Variants in ZZEF1 observed in about 807,000 individuals in gnomAD.
ZZEF1 encodes zinc finger ZZ-type and EF-hand domain-containing protein 1.
Under a neutral mutation model 342.8 loss-of-function variants are expected in ZZEF1, and 157 were observed. The observed-to-expected ratio is 0.46, with a 90% confidence interval of 0.40 to 0.52. ZZEF1 has a LOEUF of 0.52. Ranked by LOEUF, ZZEF1 falls within the 20% of genes least tolerant of loss-of-function variation. The pLI is 0.00. For synonymous variants in ZZEF1, 1,505 were observed against 1,429.1 expected (o/e 1.05, Z -1.20); for missense variants, 3,480 against 3,725.6 (o/e 0.93, Z 1.72).
At chr17:4,131,437 T>A (rs7224662) in intron 1 of ZZEF1, among the ~76,000 whole-genome samples, 23,448 of 151,198 alleles carry the variant, frequency 0.16, 1,994 homozygotes, top group African/African-American at 0.22. Flanking sequence ...TTAGGAAAAT[T>A]AAAGTATGTA....
chr17:4,094,653 G>A (rs540604539), intron 11 of ZZEF1, among the ~76,000 whole-genome samples: 2 of 152,194 alleles, frequency 1.3e-5, no homozygotes, highest in South Asian at 2.1e-4. Context: ...TTTTTCCCCA[G>A]AGTAAGAAAG....
chr17:4,067,234 C>A lies in ZZEF1; in HGVS notation c.4084G>T (p.Gly1362Trp), dbSNP rs1372569709. ...TCTTCACTCAGGGCTATTTTGCCCC[C>A]ACTGTTGACTGGGGAGAGAAGCAGA... is the stretch of plus-strand genomic sequence containing the variant. ...YEKLQKYVNS[G>W]GKIALSEEFA... The change falls in exon 27 of 55, where the codon GGG (glycine) becomes TGG (tryptophan). Residue 1362 changes from glycine (G) to tryptophan (W), a missense_variant. Around this residue, in one of 5 missense-constraint regions of ZZEF1, gnomAD observed 1,528 missense variants for 1,624.1 expected, o/e 0.94. Transcript: ENST00000381638. 7 of 1,612,758 alleles carry A rather than the reference C, an allele frequency of 4.3e-6. No individual in the cohort carries two copies. Among genetic ancestry groups the A allele is most frequent in the African/African-American group, 2.7e-5 (2 of 74,868 alleles).
In ZZEF1 at chr17:4,059,192, C is replaced by A. The variant is rs1392299192; in HGVS notation, c.4982G>T (p.Gly1661Val). 1 of 1,600,086 alleles carries A rather than the reference C, an allele frequency of 6.2e-7. No homozygotes were observed. Among genetic ancestry groups the A allele is most frequent in the South Asian group, 1.2e-5 (1 of 86,870 alleles). ...GTACCTGTCATTTAGGCTACTAAATCCTTTAACTGCTTTGACCAAAAACAG... is the reference window on the plus strand; with the variant it reads ...GTACCTGTCATTTAGGCTACTAAATACTTTAACTGCTTTGACCAAAAACAG... ...LVLFLVKAVKGFSSLNDRSLL... is the reference protein window; with the variant it reads ...LVLFLVKAVKVFSSLNDRSLL... The change falls in exon 31 of 55, where the codon GGA becomes GTA. Residue 1661 changes from glycine (G) to valine (V), a missense_variant. By Grantham distance (109) the Gly-to-Val change is moderately radical. Coordinates refer to ENST00000381638, the MANE Select transcript of ZZEF1 (RefSeq NM_015113.4).
intron 42 of ZZEF1, among the ~76,000 whole-genome samples, chr17:4,031,401 A>G (rs2056543684): frequency 6.6e-6 from 1 of 152,160 alleles, no homozygotes; most frequent in Non-Finnish European, 1.5e-5. Flanking sequence ...CATATAGATT[A>G]ATGAAACATA....
intron 21 of ZZEF1, 133 bp from the exon 22 acceptor site, chr17:4,075,562 C>A: frequency 3.2e-6 from 3 of 928,422 alleles, no homozygotes; most frequent in Admixed American, 5.7e-5. Flanking sequence ...CAGGCAGGCT[C>A]GAAGACAAAC....
Position 4,062,981 on chromosome 17 carries a change from T to A in ZZEF1, c.4719-64A>T, listed in dbSNP as rs372972674. 2.2e-5 allele frequency: 33 copies of A among 1,527,122 alleles called. No individual in the cohort carries two copies. The East Asian group carries it at 6.0e-4, about 28-fold the overall frequency. 94.6% of individuals were successfully genotyped at this position (1,527,122 alleles called of 1,614,324 possible). On this transcript the variant is annotated intron_variant, in intron 29 of 54. Coordinates refer to ENST00000381638, the MANE Select transcript of ZZEF1 (RefSeq NM_015113.4). ...CTTGAGCTGGGGCAGACGGAAAATA[T>A]CCCCGCCAAAGCCCTGATGCCATAT... is the stretch of plus-strand genomic sequence containing the variant.
intron 3 of ZZEF1, among the ~76,000 whole-genome samples, chr17:4,114,694 T>C (rs964135599): frequency 2.0e-5 from 3 of 152,182 alleles, no homozygotes; most frequent in Non-Finnish European, 4.4e-5. Context: ...GTCATTGGCA[T>C]ATTACCTGAC....
rs1400342271 is a variant in ZZEF1 at position 4,004,483 on chromosome 17, C to T, written c.*2407G>A. On this transcript the variant is annotated 3_prime_UTR_variant, in exon 55 of 55. Transcript: ENST00000381638. ...AGAATTTGTACAATATATTTCTTTT[C>T]GTTTGCATATTTTACCCACAGCTTA... The T allele has an allele frequency of 6.6e-6, 1 of 152,360 alleles. No homozygotes were observed. The highest frequency in any genetic ancestry group is 6.5e-5 in the Admixed American group (1 of 15,278). 9.4% of individuals were successfully genotyped at this position (152,360 alleles called of 1,614,324 possible).
At chr17:4,069,530 T>G (rs919129238) in intron 26 of ZZEF1, among the ~76,000 whole-genome samples, 1 of 152,114 alleles carries the variant, frequency 6.6e-6, no homozygotes, top group Non-Finnish European at 1.5e-5. Context: ...GGAATAAAAA[T>G]ATCAATAATA....
At chr17:4,066,393 C>A (rs1012755117) in intron 28 of ZZEF1, 54 bp downstream of exon 28, 39 of 1,555,098 alleles carry the variant, frequency 2.5e-5, no homozygotes, top group Non-Finnish European at 3.4e-5. Flanking sequence ...GTTTTCCAGG[C>A]TCTAAAACGA....
Position 4,006,543 on chromosome 17 carries a change from C to T in ZZEF1, c.*347G>A, listed in dbSNP as rs921016594. 12 of 323,988 alleles carry T rather than the reference C, an allele frequency of 3.7e-5. No individual in the cohort carries two copies. Among genetic ancestry groups the T allele is most frequent in the South Asian group, 8.3e-5 (3 of 36,048 alleles). 20.1% of individuals were successfully genotyped at this position (323,988 alleles called of 1,614,324 possible). On this transcript the variant is annotated 3_prime_UTR_variant, in exon 55 of 55. Coordinates refer to ENST00000381638, the MANE Select transcript of ZZEF1 (RefSeq NM_015113.4). ...GCAGGCAGTTCCAGCTCCACGGAGA[C>T]AGAAACCAGTTGAGAGAGGCCGCTT...
At chr17:4,103,604 C>T (rs182544698) in intron 8 of ZZEF1, among the ~76,000 whole-genome samples, 76 of 152,018 alleles carry the variant, frequency 5.0e-4, no homozygotes, top group African/African-American at 1.7e-3. Flanking sequence ...AAGTCAGTCA[C>T]ACTAAGACGA....
chr17:4,104,935 C>A, intron 7 of ZZEF1, 124 bp from the exon 8 acceptor site: 1 of 789,032 alleles, frequency 1.3e-6, no homozygotes, highest in Non-Finnish European at 1.9e-6. Context: ...ACAGGTTTAT[C>A]CGAAATATTT....
chr17:4,088,011 AT>A, intron 13 of ZZEF1, among the ~76,000 whole-genome samples: 1 of 152,176 alleles, frequency 6.6e-6, no homozygotes, highest in African/African-American at 2.4e-5. Flanking sequence ...TTCTACTGTG[AT>A]AGGAGGTCTG....
In ZZEF1 at chr17:4,045,164, TAA is replaced by T. The variant is rs1567789889; in HGVS notation, c.6016-792_6016-791del. On this transcript the variant is annotated intron_variant, in intron 37 of 54. Coordinates refer to ENST00000381638, the MANE Select transcript of ZZEF1 (RefSeq NM_015113.4). ...GCAAGACTCTGTCTCAAAAAAAAAA[TAA>T]GATAGTAACCATTGCATCGCATCCC... Among the ~76,000 whole-genome samples the T allele has an allele frequency of 2.4e-4, 36 of 151,652 alleles. 1 individual carries two copies. Among genetic ancestry groups the T allele is most frequent in the Admixed American group, 1.5e-3 (23 of 15,240 alleles).
chr17:4,117,475 A>C (rs907601455), intron 2 of ZZEF1, among the ~76,000 whole-genome samples: 1 of 151,932 alleles, frequency 6.6e-6, no homozygotes, highest in Non-Finnish European at 1.5e-5. Context: ...GTGAAACCCC[A>C]TCTCTACTAA....
chr17:4,046,250 A>G (rs1380471355), intron 37 of ZZEF1, among the ~76,000 whole-genome samples: 3 of 152,190 alleles, frequency 2.0e-5, no homozygotes, highest in Non-Finnish European at 4.4e-5. Flanking sequence ...TCAGGAGTCT[A>G]GTGGTGAGCT....
At chr17:4,009,878 T>A in intron 52 of ZZEF1, 121 bp from the exon 53 acceptor site, 2 of 1,210,936 alleles carry the variant, frequency 1.7e-6, no homozygotes, top group South Asian at 3.0e-5. Context: ...CAAATGATTA[T>A]AAAGTCGCCT....
At position 4,085,736 on chromosome 17, in the gene ZZEF1, A is replaced by G. The variant is rs777180376; in HGVS notation, c.2580T>C (p.Leu860=). 259 of 1,614,026 alleles carry G rather than the reference A, an allele frequency of 1.6e-4. No individual in the cohort carries two copies. The highest frequency in any genetic ancestry group is 2.2e-4 in the Non-Finnish European group (256 of 1,180,018). ...GAAAGAAGATGGCAGCCCCATTGAGAAGGGTATTCCTGACTTCTTGTTTTA... is the reference window on the plus strand; with the variant it reads ...GAAAGAAGATGGCAGCCCCATTGAGGAGGGTATTCCTGACTTCTTGTTTTA... ...EILKQEVRNT[L]LNGAAIFFPN... The change falls in exon 16 of 55, where the codon CTT becomes CTC. Residue 860 remains leucine, a synonymous_variant. Coordinates refer to ENST00000381638, the MANE Select transcript of ZZEF1 (RefSeq NM_015113.4).
Sources: gnomAD v4.1 joint callset for allele counts (sites outside exome capture counted in the v4.1 genomes callset) on GRCh38, gnomAD v4.1.1 for gene constraint, gnomAD v4.1.1 regional missense constraint, MANE v1.5 for transcripts, NCBI Gene and HGNC (gene_info 2026-07-23, HGNC 2026-07-21) for gene names.